CUX1: variants seen among roughly 807,000 people sequenced by gnomAD.
The protein encoded by CUX1 is cut like homeobox 1.
A neutral mutation model predicts 158.8 loss-of-function variants in CUX1; 31 were observed. That is an observed-to-expected ratio of 0.20 (90% CI 0.15 to 0.26). The LOEUF is 0.26. Ranked by LOEUF, CUX1 falls within the 10% of genes least tolerant of loss-of-function variation. The pLI, the probability that CUX1 is intolerant of heterozygous loss-of-function variation, is 1.00. For synonymous variants in CUX1, 879 were observed against 862.1 expected (o/e 1.02, Z -0.34); for missense variants, 1,589 against 2,014.6 (o/e 0.79, Z 4.04).
In CUX1 at chr7:102,216,544, A is replaced by ACC. The variant is rs1244739889; in HGVS notation, c.3131-10822_3131-10821insCC. On this transcript the variant is annotated intron_variant, in intron 20 of 23. Coordinates refer to ENST00000292535, the MANE Select transcript of CUX1 (RefSeq NM_181552.4). The stretch of plus-strand genomic sequence containing the variant: ...CACACACTCTCCCCCCCACACACAC[A>ACC]CACCCACACACGCACACACACTCCC... Among the ~76,000 whole-genome samples the ACC allele has an allele frequency of 1.3e-3, 78 of 59,734 alleles. 1 individual carries two copies. The East Asian group carries it at 0.072, about 55-fold the overall frequency. The allele number at this position is 59,734 out of a possible 152,430, so 39.2% of individuals were successfully genotyped here.
intron 1 of CUX1, among the ~76,000 whole-genome samples, chr7:101,873,931 A>G (rs1798857929): frequency 1.3e-5 from 2 of 152,208 alleles, no homozygotes. Context: ...CTCTGTTTCT[A>G]TTCAGTATCA....
intron 1 of CUX1, among the ~76,000 whole-genome samples, chr7:101,896,386 G>C (rs573465292): frequency 2.1e-4 from 32 of 152,182 alleles, no homozygotes; most frequent in Non-Finnish European, 4.3e-4. Flanking sequence ...GCAGAAACGT[G>C]AATGGGTGAA....
chr7:102,112,525 G>C (rs1831033103), intron 7 of CUX1, among the ~76,000 whole-genome samples: 1 of 151,494 alleles, frequency 6.6e-6, no homozygotes, highest in Non-Finnish European at 1.5e-5. Flanking sequence ...ACAGGCGTGA[G>C]CCACCGCGCC....
intron 4 of CUX1, among the ~76,000 whole-genome samples, chr7:102,078,917 G>A (rs910583622): frequency 5.9e-5 from 9 of 152,084 alleles, no homozygotes; most frequent in Admixed American, 2.0e-4. Context: ...TATCCTTGTC[G>A]GCCTAGCATC....
At chr7:101,980,860 C>T (rs567485722) in intron 2 of CUX1, among the ~76,000 whole-genome samples, 3 of 152,154 alleles carry the variant, frequency 2.0e-5, no homozygotes, top group Non-Finnish European at 2.9e-5. Flanking sequence ...GAACACAGCA[C>T]CTGCGCTTCC....
rs547289545 is a variant in CUX1, at chr7:102,253,376, T to C, written c.*4334T>C. 234 of 985,404 alleles carry C rather than the reference T, an allele frequency of 2.4e-4. No homozygotes were observed. The African/African-American group carries it at 4.0e-3, about 17-fold the overall frequency. The allele number at this position is 985,404 out of a possible 1,614,324, so 61.0% of individuals were successfully genotyped here. A position where few individuals can be genotyped will look rare whatever the true frequency, so the allele number is the denominator to read the frequency against. ...CGCTGTGGGCCTCGGCTGACTACTT[T>C]AAGATTATGCCACAGCCAGGCCCTA... On this transcript the variant is annotated 3_prime_UTR_variant, in exon 24 of 24. Coordinates refer to ENST00000292535, the MANE Select transcript of CUX1 (RefSeq NM_181552.4).
chr7:102,144,813 C>T (rs1183816557), intron 8 of CUX1, among the ~76,000 whole-genome samples: 7 of 151,742 alleles, frequency 4.6e-5, no homozygotes, highest in East Asian at 1.9e-4. Flanking sequence ...TTAGGCTGGG[C>T]GCAATGGCTC....
intron 2 of CUX1, among the ~76,000 whole-genome samples, chr7:102,025,758 G>A (rs1023211410): frequency 1.3e-5 from 2 of 152,206 alleles, no homozygotes; most frequent in East Asian, 1.9e-4. Flanking sequence ...ATGGTATCAC[G>A]TTTAGAAATG....
intron 2 of CUX1, among the ~76,000 whole-genome samples, chr7:101,953,689 G>A (rs933583079): frequency 2.0e-5 from 3 of 152,182 alleles, no homozygotes; most frequent in African/African-American, 4.8e-5. Context: ...TAGATAAGGC[G>A]CTGGATCAGC....
chr7:101,826,688 G>A lies in CUX1; in HGVS notation c.30+9019G>A, dbSNP rs1363025331. On this transcript the variant is annotated intron_variant, in intron 1 of 23. Coordinates refer to ENST00000292535, the MANE Select transcript of CUX1 (RefSeq NM_181552.4). ...GCAGGAAGGGCTTGGAAGGCGGGTC[G>A]GGGAGTGGGCAGGGGGCGCCCACTG... Among the ~76,000 whole-genome samples the A allele has an allele frequency of 2.6e-5, 4 of 152,130 alleles. No individual in the cohort carries two copies. In the East Asian group the frequency reaches 5.8e-4, roughly 22 times the overall value.
intron 1 of CUX1, among the ~76,000 whole-genome samples, chr7:101,899,988 G>A (rs999395413): frequency 1.3e-5 from 2 of 152,190 alleles, no homozygotes; most frequent in Admixed American, 6.5e-5. Flanking sequence ...TAGGTGGTTA[G>A]CAATAGCTCT....
In CUX1 at chr7:102,250,363, G is replaced by C; in HGVS notation, c.*1321G>C. 10 of 985,528 alleles carry C rather than the reference G, an allele frequency of 1.0e-5. No individual in the cohort carries two copies. Among genetic ancestry groups the C allele is most frequent in the Non-Finnish European group, 1.2e-5 (10 of 830,040 alleles). The allele number at this position is 985,528 out of a possible 1,614,324, so 61.0% of individuals were successfully genotyped here. A position where few individuals can be genotyped will look rare whatever the true frequency, so the allele number is the denominator to read the frequency against. On this transcript the variant is annotated 3_prime_UTR_variant, in exon 24 of 24. Coordinates refer to ENST00000292535, the MANE Select transcript of CUX1 (RefSeq NM_181552.4). ...TACGGATCTCTCTCTGGCACAGAAG[G>C]CACCTCACCTCACACCACTCTCCTG...
upstream of CUX1, among the ~76,000 whole-genome samples, chr7:101,816,762 G>T (rs1791851933): frequency 7.0e-6 from 1 of 143,558 alleles, no homozygotes; most frequent in Admixed American, 6.8e-5. Flanking sequence ...GCCACCGGCG[G>T]CGGCGGCGGC....
chr7:102,063,534 G>A (rs532963715), intron 3 of CUX1, among the ~76,000 whole-genome samples: 7 of 151,734 alleles, frequency 4.6e-5, no homozygotes, highest in East Asian at 1.9e-4. Context: ...AATTACAGGC[G>A]CCTGCCACCA....
chr7:101,962,778 T>C (rs1810671596), intron 2 of CUX1, among the ~76,000 whole-genome samples: 1 of 152,166 alleles, frequency 6.6e-6, no homozygotes, highest in African/African-American at 2.4e-5. Context: ...TGGAGTTCAG[T>C]GGTGCAATCA....
chr7:102,091,914 C>A (rs1252370615), intron 4 of CUX1, among the ~76,000 whole-genome samples: 1 of 152,174 alleles, frequency 6.6e-6, no homozygotes, highest in African/African-American at 2.4e-5. Flanking sequence ...TGCCACTACA[C>A]CCAGCTAATT....
chr7:102,199,008 G>T (rs1554519042), intron 16 of CUX1, 141 bp downstream of exon 16: 1 of 754,544 alleles, frequency 1.3e-6, no homozygotes, highest in Non-Finnish European at 2.3e-6. Context: ...TATAAAACAA[G>T]GCACGGGTTC....
intron 8 of CUX1, among the ~76,000 whole-genome samples, chr7:102,139,768 C>T (rs1408443186): frequency 6.6e-6 from 1 of 152,148 alleles, no homozygotes; most frequent in African/African-American, 2.4e-5. Flanking sequence ...CCTCCTGCCT[C>T]ACCCCCTTAA....
rs555212759 is a variant in CUX1 at position 102,012,112 on chromosome 7, A to G, written c.142-15986A>G. 5.3e-5 allele frequency among the ~76,000 whole-genome samples: 8 copies of G among 152,282 alleles called. No individual in the cohort carries two copies. The South Asian group carries it at 1.7e-3, about 32-fold the overall frequency. Reference sequence around the variant, plus strand: ...AGGGTATTCTAAAATAATTTCACCCAATTAGGTTTTAAACATAGTCTGCCA... The same window carrying G: ...AGGGTATTCTAAAATAATTTCACCCGATTAGGTTTTAAACATAGTCTGCCA... On this transcript the variant is annotated intron_variant, in intron 2 of 23. Coordinates refer to ENST00000292535, the MANE Select transcript of CUX1 (RefSeq NM_181552.4).
Sources: allele counts gnomAD v4.1 joint callset (sites outside exome capture counted in the v4.1 genomes callset), GRCh38; gene constraint gnomAD v4.1.1; transcripts MANE v1.5; gene names NCBI Gene and HGNC (gene_info 2026-07-23, HGNC 2026-07-21).